GGACT: variants seen among roughly 807,000 people sequenced by gnomAD.
GGACT encodes gamma-glutamylaminecyclotransferase.
For synonymous variants in GGACT, 118 were observed against 115.3 expected, an observed-to-expected ratio of 1.02 and a Z score of -0.15; for missense variants, 241 against 233.2, an observed-to-expected ratio of 1.03 and a Z score of -0.22.
intron 2 of GGACT, among the ~76,000 whole-genome samples, chr13:100,548,323 G>A (rs2088627449): frequency 6.6e-6 from 1 of 152,216 alleles, no homozygotes; most frequent in Non-Finnish European, 1.5e-5. Context: ...TCTTAAGGTT[G>A]TATTGATGAA....
intron 2 of GGACT, chr13:100,536,558 T>C (rs1044884487): frequency 6.6e-6 from 1 of 152,122 alleles, no homozygotes; most frequent in Non-Finnish European, 1.5e-5. Flanking sequence ...ATATATATTT[T>C]TTAAGTTTTC....
intron 2 of GGACT, among the ~76,000 whole-genome samples, chr13:100,543,108 A>G (rs2153013169): frequency 6.6e-6 from 1 of 151,798 alleles, no homozygotes; most frequent in South Asian, 2.1e-4. Flanking sequence ...AAAAGCATGC[A>G]TACGCAGACC....
At chr13:100,560,022 A>T (rs991118558) in intron 2 of GGACT, among the ~76,000 whole-genome samples, 1 of 152,170 alleles carries the variant, frequency 6.6e-6, no homozygotes, top group Non-Finnish European at 1.5e-5. Flanking sequence ...ATCCCGTATG[A>T]TTCCATTAGA....
At chr13:100,569,540 G>A (rs894609689) in intron 2 of GGACT, among the ~76,000 whole-genome samples, 4 of 152,202 alleles carry the variant, frequency 2.6e-5, no homozygotes, top group African/African-American at 9.6e-5. Context: ...CCTGGGCCTA[G>A]CCCACAAAAG....
intron 1 of GGACT, among the ~76,000 whole-genome samples, chr13:100,584,201 G>C (rs1875499445): frequency 6.6e-6 from 1 of 152,184 alleles, no homozygotes; most frequent in African/African-American, 2.4e-5. Flanking sequence ...GCCTTGAATA[G>C]AGGAACCTTC....
intron 2 of GGACT, among the ~76,000 whole-genome samples, chr13:100,560,788 TGTCA>T (rs1321582675): frequency 6.6e-6 from 1 of 152,236 alleles, no homozygotes; most frequent in Non-Finnish European, 1.5e-5. Flanking sequence ...AGGTTTTTGG[TGTCA>T]GTGTGTTCCT....
chr13:100,546,345 G>A (rs2088603771), intron 2 of GGACT, among the ~76,000 whole-genome samples: 2 of 143,564 alleles, frequency 1.4e-5, no homozygotes, highest in Non-Finnish European at 3.0e-5. Context: ...CTGGGCGACA[G>A]GGCAAGACTC....
chr13:100,542,390 C>T (rs2088563668), intron 2 of GGACT, among the ~76,000 whole-genome samples: 1 of 152,292 alleles, frequency 6.6e-6, no homozygotes, highest in South Asian at 2.1e-4. Context: ...CAGATCCAGT[C>T]CACGAAAGTA....
At chr13:100,576,838 A>G (rs1875260469) in intron 2 of GGACT, among the ~76,000 whole-genome samples, 1 of 152,168 alleles carries the variant, frequency 6.6e-6, no homozygotes, top group South Asian at 2.1e-4. Flanking sequence ...TGCTCTGTAT[A>G]CCGTTGGTGA....
chr13:100,557,146 CT>C (rs2088715854), intron 2 of GGACT, among the ~76,000 whole-genome samples: 1 of 152,220 alleles, frequency 6.6e-6, no homozygotes, highest in Non-Finnish European at 1.5e-5. Flanking sequence ...CAGACTTGGC[CT>C]CCTAAAGTGC....
At chr13:100,538,292 G>A (rs568682743) in intron 2 of GGACT, 1 of 152,236 alleles carries the variant, frequency 6.6e-6, no homozygotes, top group East Asian at 1.9e-4. Flanking sequence ...TATGGTGGAG[G>A]ACTCAGGCTC....
intron 2 of GGACT, among the ~76,000 whole-genome samples, chr13:100,549,620 A>T (rs2088638724): frequency 6.6e-6 from 1 of 152,256 alleles, no homozygotes; most frequent in South Asian, 2.1e-4. Flanking sequence ...GGGCTCTGTA[A>T]GGCAGGACTC....
chr13:100,537,538 C>T (rs1016425728), intron 2 of GGACT: 3 of 152,138 alleles, frequency 2.0e-5, no homozygotes, highest in Admixed American at 1.3e-4. Flanking sequence ...CAGGGAACAA[C>T]GCAGCCATGC....
At chr13:100,547,295 C>G (rs1251711345) in intron 2 of GGACT, among the ~76,000 whole-genome samples, 1 of 152,186 alleles carries the variant, frequency 6.6e-6, no homozygotes, top group Non-Finnish European at 1.5e-5. Context: ...GGACAGCACC[C>G]AGACCAGAGG....
rs569418700 is a variant in GGACT at position 100,540,304 on chromosome 13, C to T, written c.-10-7703G>A. 4.3e-4 allele frequency: 377 copies of T among 869,386 alleles called. 5 individuals carry two copies. The South Asian group carries it at 4.9e-3, about 11-fold the overall frequency. The allele number at this position is 869,386 out of a possible 1,614,324, so 53.9% of individuals were successfully genotyped here. On this transcript the variant is annotated intron_variant, in intron 2 of 2. Transcript: ENST00000683975. ...CTTTTCTTTTGGGGGAGATTTTTGA[C>T]TGCTGCTTCAGTCTCTTTACTAGTT... is the stretch of plus-strand genomic sequence containing the variant.
intron 2 of GGACT, 33 bp from the exon 3 acceptor site, chr13:100,532,634 G>A (rs1400760144): frequency 1.4e-6 from 2 of 1,470,928 alleles, no homozygotes; most frequent in South Asian, 1.3e-5. Flanking sequence ...AGGTCAGCCC[G>A]CAGTGGGAGC....
chr13:100,548,685 T>C (rs2088630286), intron 2 of GGACT, among the ~76,000 whole-genome samples: 1 of 152,154 alleles, frequency 6.6e-6, no homozygotes, highest in African/African-American at 2.4e-5. Context: ...CAGGAACAAT[T>C]ATCTTGTGCC....
chr13:100,565,617 T>G (rs916633564), intron 2 of GGACT, among the ~76,000 whole-genome samples: 1 of 152,142 alleles, frequency 6.6e-6, no homozygotes, highest in African/African-American at 2.4e-5. Flanking sequence ...GTGTTTTACG[T>G]TGATGATGAC....
Position 100,542,884 on chromosome 13 carries a change from T to C in GGACT, c.-10-10283A>G, listed in dbSNP as rs1272897232. ...GAAATGCCTGTCACTTATTCAGCAG[T>C]TCTCCTTCTTGAAACGCAGTCCGTC... On this transcript the variant is annotated intron_variant, in intron 2 of 2. Coordinates refer to ENST00000683975, the MANE Select transcript of GGACT (RefSeq NM_001195087.2). Among the ~76,000 whole-genome samples, 3 of 152,218 alleles carry C rather than the reference T, an allele frequency of 2.0e-5. No homozygotes were observed. The East Asian group carries it at 5.8e-4, about 29-fold the overall frequency.
Sources: allele counts gnomAD v4.1 joint callset (sites outside exome capture counted in the v4.1 genomes callset), GRCh38; gene constraint gnomAD v4.1.1; transcripts MANE v1.5; gene names NCBI Gene and HGNC (gene_info 2026-07-23, HGNC 2026-07-21).